CAMTA1: variants seen among roughly 807,000 people sequenced by gnomAD.
The protein encoded by CAMTA1 is calmodulin-binding transcription activator 1.
CAMTA1 carries 27 observed loss-of-function variants against 170.9 expected under a neutral mutation model. That is an observed-to-expected ratio of 0.16 (90% confidence interval 0.12 to 0.22). The LOEUF (loss-of-function observed/expected upper bound fraction) is 0.22. Ranked by LOEUF, CAMTA1 falls within the 10% of genes least tolerant of loss-of-function variation. CAMTA1 has a pLI of 1.00. For synonymous variants in CAMTA1, 833 were observed against 891.5 expected (o/e 0.93, Z 1.17); for missense variants, 1,619 against 2,217.2 (o/e 0.73, Z 5.42).
intron 4 of CAMTA1, among the ~76,000 whole-genome samples, chr1:7,106,920 T>C (rs899479990): frequency 3.3e-5 from 5 of 151,986 alleles, no homozygotes; most frequent in African/African-American, 1.2e-4. Flanking sequence ...GTCTTGTTAT[T>C]TGGAGGATGA....
At chr1:7,152,722 C>T (rs558937250) in intron 4 of CAMTA1, among the ~76,000 whole-genome samples, 3 of 152,204 alleles carry the variant, frequency 2.0e-5, no homozygotes, top group Non-Finnish European at 4.4e-5. Flanking sequence ...GAGACTCTTT[C>T]CCCCTGGAAG....
At position 7,145,387 on chromosome 1, in the gene CAMTA1, G is replaced by C. The variant is rs1374550470; in HGVS notation, c.302+54016G>C. Among the ~76,000 whole-genome samples the C allele has an allele frequency of 5.3e-5, 8 of 152,208 alleles. 1 individual carries two copies. Among genetic ancestry groups the C allele is most frequent in the South Asian group, 2.1e-4 (1 of 4,836 alleles). ...CAAAAAAGGGTTTAATTCAATGTGA[G>C]GTTCTATCTTTGAAGAAATTTGTTT... On this transcript the variant is annotated intron_variant, in intron 4 of 22. Coordinates refer to ENST00000303635, the MANE Select transcript of CAMTA1 (RefSeq NM_015215.4).
chr1:6,904,426 TTTC>T (rs1677820285), intron 3 of CAMTA1, among the ~76,000 whole-genome samples: 1 of 152,214 alleles, frequency 6.6e-6, no homozygotes, highest in Non-Finnish European at 1.5e-5. Context: ...TTGGCTCTCT[TTTC>T]TTTTACTAAG....
At chr1:6,876,523 C>G (rs563408461) in intron 3 of CAMTA1, among the ~76,000 whole-genome samples, 1 of 152,000 alleles carries the variant, frequency 6.6e-6, no homozygotes, top group Non-Finnish European at 1.5e-5. Flanking sequence ...CCACCGTGCC[C>G]AACTAATTTT....
intron 7 of CAMTA1, among the ~76,000 whole-genome samples, chr1:7,651,031 C>T (rs2095845571): frequency 6.6e-6 from 1 of 152,224 alleles, no homozygotes; most frequent in Non-Finnish European, 1.5e-5. Context: ...TGGCCGCTCC[C>T]TCTCCCGTCC....
chr1:6,966,765 C>T (rs1194958550), intron 3 of CAMTA1, among the ~76,000 whole-genome samples: 2 of 151,672 alleles, frequency 1.3e-5, no homozygotes, highest in Non-Finnish European at 1.5e-5. Context: ...CACATGCTGG[C>T]ATGCCCAGAT....
intron 6 of CAMTA1, among the ~76,000 whole-genome samples, chr1:7,487,301 C>T (rs1330396857): frequency 2.0e-5 from 3 of 152,236 alleles, no homozygotes; most frequent in Non-Finnish European, 2.9e-5. Flanking sequence ...GGTAAGAAAC[C>T]TTTACTCAGG....
intron 1 of CAMTA1, among the ~76,000 whole-genome samples, chr1:6,787,661 G>A (rs1639803234): frequency 6.6e-6 from 1 of 152,178 alleles, no homozygotes; most frequent in South Asian, 2.1e-4. Flanking sequence ...AAGAATCACG[G>A]ATAAATGGCC....
intron 22 of CAMTA1, among the ~76,000 whole-genome samples, chr1:7,762,255 GAGA>G (rs2096981982): frequency 6.6e-6 from 1 of 152,226 alleles, no homozygotes; most frequent in African/African-American, 2.4e-5. Flanking sequence ...GAATCACCCA[GAGA>G]TAATAATGGT....
rs1412115173 is a variant in CAMTA1, at chr1:7,751,323, G to C, written c.4814G>C (p.Arg1605Pro). ...GCTGTGCTCATCCAAAAGTACTACC[G>C]AAGTTATAAGAAATGTGGCAAAAGA... The part of the protein sequence containing the change: ...RAAVLIQKYY[R>P]SYKKCGKRRQ... Residue 1605 changes from arginine to proline, a missense_variant, in exon 20 of 23, where the codon CGA becomes CCA. By Grantham distance (103) the Arg-to-Pro change is moderately radical (BLOSUM62 -2). Transcript: ENST00000303635. The C allele has an allele frequency of 6.2e-7, 1 of 1,611,206 alleles. No individual in the cohort carries two copies. The highest frequency in any genetic ancestry group is 8.5e-7 in the Non-Finnish European group (1 of 1,179,420).
intron 6 of CAMTA1, among the ~76,000 whole-genome samples, chr1:7,568,792 CCATCCATCATCAA>C (rs2095082680): frequency 6.6e-6 from 1 of 150,538 alleles, no homozygotes; most frequent in Non-Finnish European, 1.5e-5. Flanking sequence ...ATCACCACCA[CCATCCATCATCAA>C]CATCACCATC....
intron 5 of CAMTA1, among the ~76,000 whole-genome samples, chr1:7,459,769 C>T (rs2093040011): frequency 6.6e-6 from 1 of 152,232 alleles, no homozygotes; most frequent in Non-Finnish European, 1.5e-5. Context: ...ACTTTCCTGC[C>T]TCTTGGGTCA....
chr1:7,241,288 G>A (rs769915405), intron 4 of CAMTA1, among the ~76,000 whole-genome samples: 3 of 152,110 alleles, frequency 2.0e-5, no homozygotes, highest in Non-Finnish European at 2.9e-5. Context: ...AAGAAATTAC[G>A]GATTTACCTG....
intron 3 of CAMTA1, among the ~76,000 whole-genome samples, chr1:6,889,273 G>GT (rs1217018951): frequency 2.0e-5 from 3 of 152,148 alleles, no homozygotes. Context: ...TCTTATGAAA[G>GT]TATAACAAGT....
intron 3 of CAMTA1, among the ~76,000 whole-genome samples, chr1:7,056,376 C>G (rs557483591): frequency 6.6e-6 from 1 of 152,222 alleles, no homozygotes; most frequent in East Asian, 1.9e-4. Context: ...GATGCAGCCC[C>G]CAGGTGGGAA....
At chr1:7,558,492 C>G (rs558467448) in intron 6 of CAMTA1, among the ~76,000 whole-genome samples, 2 of 151,892 alleles carry the variant, frequency 1.3e-5, no homozygotes, top group African/African-American at 4.9e-5. Flanking sequence ...GAACTCGGCT[C>G]CCTTCTCCAG....
At chr1:7,586,177 G>A (rs533406968) in intron 6 of CAMTA1, among the ~76,000 whole-genome samples, 1 of 152,180 alleles carries the variant, frequency 6.6e-6, no homozygotes, top group East Asian at 1.9e-4. Flanking sequence ...CAGGGCCCCG[G>A]GCACCCTCCA....
Position 7,472,912 on chromosome 1 carries a change from C to T in CAMTA1, c.510+5011C>T, listed in dbSNP as rs1415694562. ...GGTTCACTCCAGGCGGTCCTGGCCCCAAAGGGCCCCCATGTCCAGGAGCGA... is the reference window on the plus strand; with the variant it reads ...GGTTCACTCCAGGCGGTCCTGGCCCTAAAGGGCCCCCATGTCCAGGAGCGA... On this transcript the variant is annotated intron_variant, in intron 6 of 22. Transcript: ENST00000303635. Among the ~76,000 whole-genome samples, 3 of 152,298 alleles carry T rather than the reference C, an allele frequency of 2.0e-5. No homozygotes were observed. In the East Asian group the frequency reaches 5.8e-4, roughly 29 times the overall value.
chr1:7,270,886 T>C (rs1158466355), intron 5 of CAMTA1, among the ~76,000 whole-genome samples: 1 of 152,192 alleles, frequency 6.6e-6, no homozygotes, highest in Non-Finnish European at 1.5e-5. Flanking sequence ...TTCTTGAAAA[T>C]ATAATTGGCC....
Sources: gnomAD v4.1 joint callset for allele counts (sites outside exome capture counted in the v4.1 genomes callset) on GRCh38, gnomAD v4.1.1 for gene constraint, MANE v1.5 for transcripts, NCBI Gene and HGNC (gene_info 2026-07-23, HGNC 2026-07-21) for gene names.